FBXW8: variants seen among roughly 807,000 people sequenced by gnomAD.
The protein encoded by FBXW8 is F-box/WD repeat-containing protein 8.
Under a neutral mutation model 65.3 loss-of-function variants are expected in FBXW8, and 57 were observed. The ratio of observed to expected loss-of-function variants is 0.87; its 90% confidence interval spans 0.71 to 1.09. FBXW8 has a LOEUF of 1.09. FBXW8 is among the 50% of genes least tolerant of loss of function. The pLI is 0.00. For missense variants in FBXW8, 777 were observed against 814.8 expected (o/e 0.95, Z 0.57); for synonymous variants, 308 against 330.2 (o/e 0.93, Z 0.73).
chr12:116,952,477 A>G (rs1385082137), intron 4 of FBXW8, among the ~76,000 whole-genome samples: 1 of 152,160 alleles, frequency 6.6e-6, no homozygotes, highest in Non-Finnish European at 1.5e-5. Flanking sequence ...GGAAACCCAG[A>G]ACCCATTCTT....
At chr12:116,920,667 C>G (rs1031120180) in intron 1 of FBXW8, among the ~76,000 whole-genome samples, 1 of 152,124 alleles carries the variant, frequency 6.6e-6, no homozygotes, top group Non-Finnish European at 1.5e-5. Flanking sequence ...GGAGGGGATT[C>G]TAGGCCAAGA....
chr12:116,949,569 G>A (rs370466421), intron 3 of FBXW8, 49 bp from the exon 4 acceptor site: 4 of 1,554,596 alleles, frequency 2.6e-6, no homozygotes, highest in Admixed American at 1.7e-5. Context: ...CTTGGCTTTC[G>A]GGCTGTCCCG....
intron 8 of FBXW8, among the ~76,000 whole-genome samples, 197 bp downstream of exon 8, chr12:117,010,647 T>C (rs1953784575): frequency 2.0e-5 from 3 of 152,240 alleles, no homozygotes; most frequent in Admixed American, 2.0e-4. Context: ...ATGTCTCTGC[T>C]TCATTTCTGA....
chr12:116,992,367 A>G (rs1047122133), intron 7 of FBXW8, among the ~76,000 whole-genome samples: 1 of 151,942 alleles, frequency 6.6e-6, no homozygotes, highest in Admixed American at 6.6e-5. Context: ...ACGTAAAGTC[A>G]TAGAAAAAAA....
rs989824787 is a variant in FBXW8 at position 116,961,088 on chromosome 12, C to G, written c.678-3609C>G. Among the ~76,000 whole-genome samples, 1 of 152,126 alleles carries G rather than the reference C, an allele frequency of 6.6e-6. No homozygotes were observed. Among genetic ancestry groups the G allele is most frequent in the African/African-American group, 2.4e-5 (1 of 41,412 alleles). Reference sequence around the variant, plus strand: ...CTCGGCTCACTGCAACCTCCACCTCCCAGTTCAAGCGATTCTTCTGCCTCA... The same window carrying G: ...CTCGGCTCACTGCAACCTCCACCTCGCAGTTCAAGCGATTCTTCTGCCTCA... On this transcript the variant is annotated intron_variant, in intron 4 of 10. Coordinates refer to ENST00000652555, the MANE Select transcript of FBXW8 (RefSeq NM_153348.3). The surrounding 1 kb of genome is among the most constrained non-coding windows in gnomAD (Gnocchi z 4.4).
At chr12:116,979,193 C>G (rs1339034648) in intron 5 of FBXW8, 1 of 152,220 alleles carries the variant, frequency 6.6e-6, no homozygotes, top group Non-Finnish European at 1.5e-5. Flanking sequence ...ATCGAGTAAT[C>G]TTTACAAAAG....
intron 1 of FBXW8, among the ~76,000 whole-genome samples, chr12:116,924,525 T>G (rs1301631980): frequency 6.6e-6 from 1 of 152,200 alleles, no homozygotes; most frequent in African/African-American, 2.4e-5. Context: ...AACTCATTCC[T>G]CCTGTCTAGC....
At chr12:117,014,326 G>C (rs1194970338) in intron 8 of FBXW8, among the ~76,000 whole-genome samples, 1 of 152,124 alleles carries the variant, frequency 6.6e-6, no homozygotes, top group Admixed American at 6.5e-5. Flanking sequence ...GGTTGTCACT[G>C]TCAGTATTCC....
chr12:117,006,443 A>T (rs1953675394), intron 7 of FBXW8, among the ~76,000 whole-genome samples: 1 of 152,234 alleles, frequency 6.6e-6, no homozygotes, highest in Admixed American at 6.5e-5. Flanking sequence ...GCCATCTCTC[A>T]GCTCTTTCCT....
intron 9 of FBXW8, 39 bp from the exon 10 acceptor site, chr12:117,027,355 T>A: frequency 6.5e-7 from 1 of 1,538,492 alleles, no homozygotes; most frequent in Non-Finnish European, 9.0e-7. Context: ...GCAGGCCCAG[T>A]GGACGCCCCC....
intron 6 of FBXW8, 78 bp downstream of exon 6, chr12:116,985,480 T>C (rs1319125300): frequency 1.4e-6 from 2 of 1,404,556 alleles, no homozygotes; most frequent in Non-Finnish European, 1.9e-6. Flanking sequence ...CTAATGGTGT[T>C]GGTAACTCCC....
chr12:117,001,937 G>A (rs1299960404), intron 7 of FBXW8, among the ~76,000 whole-genome samples: 1 of 152,216 alleles, frequency 6.6e-6, no homozygotes, highest in Non-Finnish European at 1.5e-5. Flanking sequence ...ACTCCACAAA[G>A]TAGGCCTGGC....
chr12:116,922,704 A>G (rs756060017), intron 1 of FBXW8, among the ~76,000 whole-genome samples: 1 of 152,188 alleles, frequency 6.6e-6, no homozygotes, highest in Non-Finnish European at 1.5e-5. Flanking sequence ...TCTCTTTGCA[A>G]TTTCTCTCAG....
At chr12:117,023,837 A>C (rs947740017) in intron 8 of FBXW8, among the ~76,000 whole-genome samples, 4 of 152,258 alleles carry the variant, frequency 2.6e-5, no homozygotes, top group Non-Finnish European at 5.9e-5. Context: ...CTGCTGGGAC[A>C]GGCGTCTCAG....
rs1209014289 is a variant in FBXW8, at chr12:116,927,075, G to A, written c.319-948G>A. Among the ~76,000 whole-genome samples the A allele has an allele frequency of 4.6e-5, 7 of 152,254 alleles. No homozygotes were observed. In the South Asian group the frequency reaches 8.3e-4, roughly 18 times the overall value. On this transcript the variant is annotated intron_variant, in intron 1 of 10. Transcript: ENST00000652555. Reference sequence around the variant, plus strand: ...TTATTAAAAATGGATTTTATTAAGCGAGTGCTGTTGGGACACAGAGTGAAG... The same window carrying A: ...TTATTAAAAATGGATTTTATTAAGCAAGTGCTGTTGGGACACAGAGTGAAG...
intron 1 of FBXW8, among the ~76,000 whole-genome samples, chr12:116,916,320 A>G (rs557026530): frequency 1.3e-5 from 2 of 152,310 alleles, no homozygotes; most frequent in Admixed American, 6.5e-5. Context: ...CACTTTTGAT[A>G]GTAACTTGTG....
chr12:117,003,621 C>T (rs979431959), intron 7 of FBXW8, among the ~76,000 whole-genome samples: 2 of 152,240 alleles, frequency 1.3e-5, no homozygotes, highest in African/African-American at 4.8e-5. Context: ...AAGTTTCTTT[C>T]ATAAGGACTT....
At chr12:116,983,230 A>G (rs913162775) in intron 5 of FBXW8, among the ~76,000 whole-genome samples, 2 of 152,188 alleles carry the variant, frequency 1.3e-5, no homozygotes, top group African/African-American at 4.8e-5. Flanking sequence ...ACATCTTGGC[A>G]TGGGAGAGCC....
chr12:116,955,790 T>C (rs1883604635), intron 4 of FBXW8, among the ~76,000 whole-genome samples: 1 of 152,186 alleles, frequency 6.6e-6, no homozygotes, highest in Non-Finnish European at 1.5e-5. Context: ...TGCAATCAGA[T>C]GACATCATGA....
Sources: allele counts gnomAD v4.1 joint callset (sites outside exome capture counted in the v4.1 genomes callset), GRCh38; gene constraint gnomAD v4.1.1; non-coding constraint Gnocchi (gnomAD v3.1); transcripts MANE v1.5; gene names NCBI Gene and HGNC (gene_info 2026-07-23, HGNC 2026-07-21).